Variants in DDX47 observed in about 807,000 individuals in gnomAD.
DDX47 encodes probable ATP-dependent RNA helicase DDX47.
A neutral mutation model predicts 58.8 loss-of-function variants in DDX47; 60 were observed. The ratio of observed to expected loss-of-function variants is 1.02; its 90% CI spans 0.83 to 1.26. DDX47 has a LOEUF of 1.26. DDX47 is among the 50% of genes most tolerant of loss of function. The pLI is 0.00. For synonymous variants in DDX47, 197 were observed against 204.6 expected (o/e 0.96, Z 0.32); for missense variants, 530 against 573.2 (o/e 0.92, Z 0.77).
At chr12:12,819,690 A>G (rs1251117566) in intron 2 of DDX47, among the ~76,000 whole-genome samples, 3 of 152,204 alleles carry the variant, frequency 2.0e-5, no homozygotes, top group Non-Finnish European at 4.4e-5. Context: ...TTAAGTTCCA[A>G]GTTCCCTGTG....
chr12:12,826,239 G>A, intron 10 of DDX47, 169 bp downstream of exon 10: 2 of 486,068 alleles, frequency 4.1e-6, no homozygotes, highest in African/African-American at 2.0e-5. Context: ...GCAGGGTTTT[G>A]GTGAAAATTG....
At chr12:12,822,128 C>T (rs775352522) in intron 5 of DDX47, 45 bp downstream of exon 5, 5 of 1,428,432 alleles carry the variant, frequency 3.5e-6, no homozygotes, top group Middle Eastern at 1.8e-4. Context: ...TCTCAAGGTT[C>T]CTGTTTCAAA....
chr12:12,824,440 T>A, intron 8 of DDX47, 100 bp from the exon 9 acceptor site: 1 of 1,402,462 alleles, frequency 7.1e-7, no homozygotes, highest in Non-Finnish European at 9.7e-7. Flanking sequence ...GAAAAACCTT[T>A]AAAAAATTTA....
chr12:12,813,408 C>T lies in DDX47; in HGVS notation c.41C>T (p.Ser14Phe). Residue 14 changes from serine (S) to phenylalanine (F), a missense_variant, in exon 1 of 12, where the codon TCC (serine) becomes TTC (phenylalanine). Ser to Phe is a radical substitution (Grantham distance 155). Coordinates refer to ENST00000358007, the MANE Select transcript of DDX47 (RefSeq NM_016355.4). ...PEEHDSPTEA[S>F]QPIVEEEETK... is the part of the protein sequence containing the mutation. ...GAACACGATTCTCCGACCGAAGCGTCCCAGCCGATTGTGGAAGAGGAGGAA... is the reference window on the plus strand; with the variant it reads ...GAACACGATTCTCCGACCGAAGCGTTCCAGCCGATTGTGGAAGAGGAGGAA... 6.2e-7 allele frequency: 1 copy of T among 1,613,574 alleles called. No individual in the cohort carries two copies.
chr12:12,820,259 C>G (rs143196495), intron 2 of DDX47: 151 of 152,336 alleles, frequency 9.9e-4, no homozygotes, highest in African/African-American at 3.5e-3. Context: ...AGCATTCTTC[C>G]CTCAGAAGGA....
chr12:12,827,499 A>C (rs1863069940), intron 11 of DDX47, 124 bp downstream of exon 11: 1 of 1,165,876 alleles, frequency 8.6e-7, no homozygotes, highest in South Asian at 1.5e-5. Context: ...ATTTAAGACG[A>C]GCAAACTAAG....
In DDX47 at chr12:12,824,648, G is replaced by A; in HGVS notation, c.1006G>A (p.Val336Ile). Residue 336 changes from valine to isoleucine, a missense_variant, in exon 9 of 12, where the codon GTC (valine) becomes ATC (isoleucine). Val to Ile is a conservative substitution (Grantham distance 29). Transcript: ENST00000358007. ...GGACATACCTCATGTAGATGTGGTT[G>A]TCAACTTTGACATTCCTACCCATTC... The part of the protein sequence containing the change: ...GLDIPHVDVV[V>I]NFDIPTHSKD... The A allele has an allele frequency of 6.2e-7, 1 of 1,614,176 alleles. No homozygotes were observed. Among genetic ancestry groups the A allele is most frequent in the Non-Finnish European group, 8.5e-7 (1 of 1,180,008 alleles).
chr12:12,823,144 A>G, intron 6 of DDX47, 59 bp from the exon 7 acceptor site: 1 of 1,105,974 alleles, frequency 9.0e-7, no homozygotes, highest in Non-Finnish European at 1.4e-6. Context: ...GAGCCAAACC[A>G]TGTCATAAAT....
In DDX47 at chr12:12,827,265, C is replaced by A; in HGVS notation, c.1126C>A (p.Gln376Lys). The A allele has an allele frequency of 6.2e-7, 1 of 1,614,068 alleles. No homozygotes were observed. The highest frequency in any genetic ancestry group is 8.5e-7 in the Non-Finnish European group (1 of 1,180,012). ...CCTCAGGTATGATGTGGAACTCTTC[C>A]AGCGCATAGAACACTTAATTGGGAA... ...FVTQYDVELF[Q>K]RIEHLIGKKL... is the part of the protein sequence containing the mutation. The change falls in exon 11 of 12, where the codon CAG becomes AAG. Residue 376 changes from glutamine (Q) to lysine (K), a missense_variant. Transcript: ENST00000358007.
At chr12:12,823,535 T>C in intron 7 of DDX47, 1 of 566,050 alleles carries the variant, frequency 1.8e-6, no homozygotes, top group Non-Finnish European at 3.1e-6. Context: ...CATGATGTAA[T>C]CATATAATTC....
chr12:12,819,416 G>A (rs1486814615), intron 2 of DDX47, among the ~76,000 whole-genome samples: 2 of 150,940 alleles, frequency 1.3e-5, no homozygotes, highest in South Asian at 2.1e-4. Context: ...GAATTTCCAG[G>A]CATGGGACCG....
At chr12:12,828,315 T>C (rs544387089) in intron 11 of DDX47, among the ~76,000 whole-genome samples, 153 of 152,242 alleles carry the variant, frequency 1.0e-3, no homozygotes, top group African/African-American at 3.6e-3. Context: ...ATTAAAAATA[T>C]TGTGTAAAAT....
intron 11 of DDX47, among the ~76,000 whole-genome samples, chr12:12,828,922 T>A (rs766141261): frequency 5.3e-5 from 8 of 152,234 alleles, no homozygotes; most frequent in Non-Finnish European, 1.0e-4. Context: ...AATACTTACA[T>A]TCATGGATGC....
chr12:12,817,981 A>G (rs1392817350), intron 2 of DDX47, among the ~76,000 whole-genome samples: 4 of 152,138 alleles, frequency 2.6e-5, no homozygotes, highest in African/African-American at 9.7e-5. Context: ...AAAAAGGACA[A>G]ATCCTAGTTC....
In DDX47 at chr12:12,827,227, T is replaced by A; in HGVS notation, c.1107-19T>A. On this transcript the variant is annotated intron_variant, in intron 10 of 11. Transcript: ENST00000358007. ...TTGCGTTACCAGGCAACCAGAGCTG[T>A]GCAGTTTTCCTTCCTCAGGTATGAT... The A allele has an allele frequency of 6.2e-7, 1 of 1,612,746 alleles. No homozygotes were observed. Among genetic ancestry groups the A allele is most frequent in the Non-Finnish European group, 8.5e-7 (1 of 1,179,440 alleles).
In DDX47 at chr12:12,814,164, C is replaced by T; in HGVS notation, c.121C>T (p.Gln41Ter). The T allele has an allele frequency of 1.2e-6, 2 of 1,613,680 alleles. No homozygotes were observed. The highest frequency in any genetic ancestry group is 1.7e-6 in the Non-Finnish European group (2 of 1,179,756). ...AGATGTGTTGTGTGAAGCTTGTGAC[C>T]AGTTGGGATGGACAAAACCCACCAA... Reference protein sequence around the residue: ...VTDVLCEACDQLGWTKPTKIQ... With the variant: ...VTDVLCEACD Residue 41 changes from glutamine to a stop codon, truncating the protein, a stop_gained, in exon 2 of 12, where the codon CAG becomes TAG. Transcript: ENST00000358007. LOFTEE classifies it high-confidence loss of function.
intron 11 of DDX47, among the ~76,000 whole-genome samples, chr12:12,829,192 T>C (rs1006262385): frequency 3.9e-5 from 6 of 152,238 alleles, no homozygotes; most frequent in Non-Finnish European, 8.8e-5. Context: ...TACCCTTCTC[T>C]TAAGTCTTTG....
chr12:12,821,776 A>G (rs1009707032), intron 4 of DDX47, 50 bp downstream of exon 4: 5 of 1,445,752 alleles, frequency 3.5e-6, no homozygotes, highest in African/African-American at 1.4e-5. Flanking sequence ...AATTGGAGAA[A>G]ATCTACCAGT....
At chr12:12,817,636 C>T (rs1005323000) in intron 2 of DDX47, among the ~76,000 whole-genome samples, 2 of 152,156 alleles carry the variant, frequency 1.3e-5, no homozygotes, top group African/African-American at 4.8e-5. Flanking sequence ...CGCTTATGTT[C>T]GGTGCCAGCA....
Sources: allele counts gnomAD v4.1 joint callset (sites outside exome capture counted in the v4.1 genomes callset), GRCh38; gene constraint gnomAD v4.1.1; transcripts MANE v1.5; gene names NCBI Gene and HGNC (gene_info 2026-07-23, HGNC 2026-07-21).